The following KCNQ5 variants were observed in gnomAD, a reference collection of about 807,000 sequenced individuals.
KCNQ5 encodes the protein potassium voltage-gated channel subfamily Q member 5, also known as potassium voltage-gated channel subfamily KQT member 5.
A neutral mutation model predicts 98.2 loss-of-function variants in KCNQ5; 30 were observed. The observed-to-expected ratio is 0.31, with a 90% CI of 0.23 to 0.41. The LOEUF (loss-of-function observed/expected upper bound fraction) is 0.41. KCNQ5 is among the 10% of genes least tolerant of loss of function. The pLI is 1.00. For synonymous variants in KCNQ5, 458 were observed against 449.4 expected (o/e 1.02, Z -0.24); for missense variants, 835 against 1,182.5 (o/e 0.71, Z 4.31).
At position 73,133,582 on chromosome 6, in the gene KCNQ5, G is replaced by A. The variant is rs766811320; in HGVS notation, c.1409G>A (p.Arg470Gln). The A allele has an allele frequency of 1.2e-6, 2 of 1,614,202 alleles. No individual in the cohort carries two copies. Among genetic ancestry groups the A allele is most frequent in the South Asian group, 1.1e-5 (1 of 91,082 alleles). The change falls in exon 10 of 14, where the codon CGA becomes CAA. Residue 470 changes from arginine to glutamine, a missense_variant. Transcript: ENST00000370398. The part of the protein sequence containing the change: ...KVQKSWSFND[R>Q]TRFRPSLRLK... The stretch of plus-strand genomic sequence containing the variant: ...CAGAAGAGCTGGAGCTTCAACGACC[G>A]AACCCGCTTCCGGCCCTCGCTGCGC...
chr6:72,772,863 T>A (rs888772447), intron 1 of KCNQ5, among the ~76,000 whole-genome samples: 1 of 152,178 alleles, frequency 6.6e-6, no homozygotes, highest in Non-Finnish European at 1.5e-5. Flanking sequence ...ACTCTGAAGC[T>A]ACCAAAGAGC....
At chr6:73,099,763 G>A (rs977226201) in intron 5 of KCNQ5, among the ~76,000 whole-genome samples, 1 of 152,156 alleles carries the variant, frequency 6.6e-6, no homozygotes, top group African/African-American at 2.4e-5. Flanking sequence ...TTCAGCATTG[G>A]ACAGATCATC....
chr6:72,743,040 G>T (rs1460674153), intron 1 of KCNQ5, among the ~76,000 whole-genome samples: 2 of 152,060 alleles, frequency 1.3e-5, no homozygotes, highest in Admixed American at 6.5e-5. Context: ...GTTTAAAATT[G>T]TCCATGTGAA....
chr6:72,997,450 C>A (rs1769357670), intron 1 of KCNQ5, among the ~76,000 whole-genome samples: 1 of 152,074 alleles, frequency 6.6e-6, no homozygotes, highest in African/African-American at 2.4e-5. Flanking sequence ...ATATTTCATT[C>A]TTTAAAAACT....
chr6:73,026,572 A>G (rs752869011), intron 2 of KCNQ5, among the ~76,000 whole-genome samples: 3 of 152,082 alleles, frequency 2.0e-5, no homozygotes, highest in Admixed American at 1.3e-4. Flanking sequence ...CCAATGCTCT[A>G]TCTTTCTGTA....
At chr6:72,788,770 A>G (rs960281303) in intron 1 of KCNQ5, among the ~76,000 whole-genome samples, 6 of 152,216 alleles carry the variant, frequency 3.9e-5, no homozygotes, top group African/African-American at 1.4e-4. Context: ...CTTTTTTTGT[A>G]TAAGATGAAA....
chr6:73,097,142 C>CATATGTATATATATATAT (rs1774539850), intron 5 of KCNQ5, among the ~76,000 whole-genome samples: 2 of 121,858 alleles, frequency 1.6e-5, no homozygotes, highest in South Asian at 6.9e-4. Flanking sequence ...CAATAGATCT[C>CATATGTATATATATATAT]ATATATATAT....
intron 1 of KCNQ5, among the ~76,000 whole-genome samples, chr6:72,767,956 A>T (rs1237358674): frequency 6.6e-6 from 1 of 152,072 alleles, no homozygotes; most frequent in Non-Finnish European, 1.5e-5. Context: ...CTTAAATTTA[A>T]TGTTACCATA....
At chr6:73,028,348 A>C (rs1218216709) in intron 2 of KCNQ5, among the ~76,000 whole-genome samples, 1 of 152,150 alleles carries the variant, frequency 6.6e-6, no homozygotes, top group South Asian at 2.1e-4. Context: ...AGCACGGATG[A>C]AAAAGGGGAT....
At chr6:72,699,116 G>A (rs978498748) in intron 1 of KCNQ5, among the ~76,000 whole-genome samples, 2 of 152,150 alleles carry the variant, frequency 1.3e-5, no homozygotes, top group African/African-American at 4.8e-5. Context: ...GATAAGGATG[G>A]CACTTTGGAA....
intron 1 of KCNQ5, among the ~76,000 whole-genome samples, chr6:72,650,607 C>T (rs1488755587): frequency 6.6e-6 from 1 of 151,952 alleles, no homozygotes; most frequent in Non-Finnish European, 1.5e-5. Context: ...AAATGCATAC[C>T]TTTTTACAAG....
At chr6:72,985,730 A>G (rs546452329) in intron 1 of KCNQ5, among the ~76,000 whole-genome samples, 2 of 152,212 alleles carry the variant, frequency 1.3e-5, no homozygotes, top group Non-Finnish European at 2.9e-5. Context: ...TAGTTCAACT[A>G]CTTTGGAAAG....
intron 1 of KCNQ5, among the ~76,000 whole-genome samples, chr6:72,858,416 GAC>G (rs1777617353): frequency 6.6e-6 from 1 of 151,796 alleles, no homozygotes; most frequent in Admixed American, 6.6e-5. Context: ...CTGTTTTGCT[GAC>G]ACATATAAAT....
intron 1 of KCNQ5, among the ~76,000 whole-genome samples, chr6:72,746,266 T>G (rs1771402587): frequency 6.6e-6 from 1 of 152,112 alleles, no homozygotes; most frequent in Non-Finnish European, 1.5e-5. Flanking sequence ...TGCCAGTTAC[T>G]AATTTCATCA....
chr6:72,881,055 C>A (rs139732699), intron 1 of KCNQ5, among the ~76,000 whole-genome samples: 1 of 152,232 alleles, frequency 6.6e-6, no homozygotes, highest in African/African-American at 2.4e-5. Context: ...ATGATGATAG[C>A]CAACTTTTAA....
chr6:73,053,667 T>C (rs1173933637), intron 3 of KCNQ5, among the ~76,000 whole-genome samples: 1 of 152,118 alleles, frequency 6.6e-6, no homozygotes, highest in Non-Finnish European at 1.5e-5. Context: ...ACAAAGATAC[T>C]ACATACCAGA....
intron 1 of KCNQ5, among the ~76,000 whole-genome samples, chr6:72,679,368 A>C (rs1247105750): frequency 6.6e-6 from 1 of 152,170 alleles, no homozygotes; most frequent in Non-Finnish European, 1.5e-5. Flanking sequence ...TGTGGCACAT[A>C]TACACCATGG....
intron 1 of KCNQ5, among the ~76,000 whole-genome samples, chr6:72,948,345 C>A (rs1317749456): frequency 1.3e-5 from 2 of 151,930 alleles, no homozygotes; most frequent in Non-Finnish European, 2.9e-5. Flanking sequence ...AGTTAAGAAT[C>A]ATGAGAACAA....
intron 1 of KCNQ5, among the ~76,000 whole-genome samples, chr6:72,965,566 G>A (rs1042265712): frequency 9.2e-5 from 14 of 152,008 alleles, no homozygotes; most frequent in Admixed American, 1.3e-4. Context: ...TGGCCTCATC[G>A]GGAATGTGAA....
Sources: allele counts gnomAD v4.1 joint callset (sites outside exome capture counted in the v4.1 genomes callset), GRCh38; gene constraint gnomAD v4.1.1; transcripts MANE v1.5; gene names NCBI Gene and HGNC (gene_info 2026-07-23, HGNC 2026-07-21).